Variants in CEACAM16 observed in about 807,000 individuals in gnomAD.
The protein encoded by CEACAM16 is cell adhesion molecule CEACAM16.
A neutral mutation model predicts 39.4 loss-of-function variants in CEACAM16; 30 were observed. The ratio of observed to expected loss-of-function variants is 0.76; its 90% CI spans 0.57 to 1.03. The LOEUF (loss-of-function observed/expected upper bound fraction) is 1.03, where lower values mean the gene tolerates loss of function less well. Ranked by LOEUF, CEACAM16 falls within the 50% of genes least tolerant of loss-of-function variation. The probability of loss-of-function intolerance (pLI) is 0.00; values close to 1 mark genes in which losing one functional copy is unlikely to be tolerated. For synonymous variants in CEACAM16, 262 were observed against 264.9 expected (o/e 0.99, Z 0.11); for missense variants, 521 against 585.3 (o/e 0.89, Z 1.13).
chr19:44,707,394 T>A (rs1410376673), intron 5 of CEACAM16, among the ~76,000 whole-genome samples: 1 of 152,044 alleles, frequency 6.6e-6, no homozygotes, highest in South Asian at 2.1e-4. Context: ...GGAGACATGC[T>A]CTCACCCTCA....
chr19:44,703,640 C>A lies in CEACAM16; in HGVS notation c.329C>A (p.Thr110Asn), dbSNP rs1410912435. Reference sequence around the variant, plus strand: ...CACTCAGGCACCTACATCCTGCAGACCTTCAACAGGCAGTTGCAGACCGAG... The same window carrying A: ...CACTCAGGCACCTACATCCTGCAGAACTTCAACAGGCAGTTGCAGACCGAG... Reference protein sequence around the residue: ...PRHSGTYILQTFNRQLQTEVG... With the variant: ...PRHSGTYILQNFNRQLQTEVG... The change falls in exon 3 of 7, where the codon ACC (threonine) becomes AAC (asparagine). Residue 110 changes from threonine (T) to asparagine (N), a missense_variant. By Grantham distance (65) the Thr-to-Asn change is moderately conservative. Coordinates refer to ENST00000587331, the MANE Select transcript of CEACAM16 (RefSeq NM_001039213.4). The A allele has an allele frequency of 6.2e-7, 1 of 1,600,484 alleles. No homozygotes were observed.
Position 44,705,881 on chromosome 19 carries a change from C to T in CEACAM16, c.940+13C>T, listed in dbSNP as rs768707991. ...GTCAAGCTCTCTGGTGAGTCACCCC[C>T]AGCCTGACCACCCCCCAGTCCCCAT... On this transcript the variant is annotated intron_variant, in intron 5 of 6. Transcript: ENST00000587331. 4.4e-6 allele frequency: 7 copies of T among 1,604,406 alleles called. No homozygotes were observed. In the East Asian group the frequency reaches 1.1e-4, roughly 26 times the overall value.
At chr19:44,710,040 A>G (rs574099957) in intron 6 of CEACAM16, among the ~76,000 whole-genome samples, 3 of 152,160 alleles carry the variant, frequency 2.0e-5, no homozygotes, top group Non-Finnish European at 4.4e-5. Flanking sequence ...GGATGAGATC[A>G]TTCCCCAAGT....
At chr19:44,704,907 G>T (rs1974418049) in intron 4 of CEACAM16, among the ~76,000 whole-genome samples, 1 of 152,190 alleles carries the variant, frequency 6.6e-6, no homozygotes, top group South Asian at 2.1e-4. Context: ...GGGAGCAGGG[G>T]AGGGAATAGT....
Position 44,701,316 on chromosome 19 carries a change from A to C in CEACAM16, c.-96-45A>C. 1.1e-6 allele frequency: 1 copy of C among 934,502 alleles called. No individual in the cohort carries two copies. Among genetic ancestry groups the C allele is most frequent in the Non-Finnish European group, 1.7e-6 (1 of 589,232 alleles). The allele number at this position is 934,502 out of a possible 1,614,324, so 57.9% of individuals were successfully genotyped here. On this transcript the variant is annotated intron_variant, in intron 1 of 6. Transcript: ENST00000587331. This position sits in a 1 kb window ranked among gnomAD's most constrained non-coding sequence, Gnocchi z 4.0. ...GATCCTTGGTGACTCGATCCCTCCA[A>C]ATTCAGGTGATCTCCCCTGGCTCCA...
At position 44,708,067 on chromosome 19, in the gene CEACAM16, T is replaced by C. The variant is rs777066862; in HGVS notation, c.1147T>C (p.Phe383Leu). The stretch of plus-strand genomic sequence containing the variant: ...CGCGCACACAGGCCGGGAGGTGGGC[T>C]TCCCCAACTGCTCGCTGTTGGTGCA... ...GPAHTGREVG[F>L]PNCSLLVQKL... The change falls in exon 6 of 7, where the codon TTC becomes CTC. Residue 383 changes from phenylalanine (F) to leucine (L), a missense_variant. By Grantham distance (22) the Phe-to-Leu change is conservative. Coordinates refer to ENST00000587331, the MANE Select transcript of CEACAM16 (RefSeq NM_001039213.4). The C allele has an allele frequency of 1.2e-6, 2 of 1,612,800 alleles. No homozygotes were observed. Among genetic ancestry groups the C allele is most frequent in the South Asian group, 1.1e-5 (1 of 90,844 alleles).
chr19:44,702,014 C>T (rs915018981), intron 2 of CEACAM16, among the ~76,000 whole-genome samples: 1 of 151,936 alleles, frequency 6.6e-6, no homozygotes, highest in African/African-American at 2.4e-5. Flanking sequence ...TATGAGGGGC[C>T]GGGCAAGGTG....
At chr19:44,704,342 A>G in intron 4 of CEACAM16, 46 bp downstream of exon 4, 1 of 1,443,472 alleles carries the variant, frequency 6.9e-7, no homozygotes. Flanking sequence ...TCCAAACCTC[A>G]TGGATGGGGA....
Position 44,703,478 on chromosome 19 carries a change from G to T in CEACAM16, c.167G>T (p.Gly56Val), listed in dbSNP as rs1974384120. ...CTGCTCGCCTACAGCTGGTATGCGG[G>T]GCCCACACTCAGCGTGTCATACCTG... ...GELLAYSWYA[G>V]PTLSVSYLVA... Residue 56 changes from glycine to valine, a missense_variant, in exon 3 of 7, where the codon GGG (glycine) becomes GTG (valine). Transcript: ENST00000587331. The T allele has an allele frequency of 2.5e-6, 4 of 1,613,662 alleles. No individual in the cohort carries two copies. The highest frequency in any genetic ancestry group is 1.7e-5 in the Admixed American group (1 of 59,982).
rs758575938 is a variant in CEACAM16, at chr19:44,707,964, C to T, written c.1044C>T (p.Tyr348=). 20 of 1,602,910 alleles carry T rather than the reference C, an allele frequency of 1.2e-5. No individual in the cohort carries two copies. The East Asian group carries it at 1.4e-4, about 11-fold the overall frequency. ...VQGYPKDLLV[Y]AWYRGPASEP... ...GCTACCCCAAGGACCTGCTGGTCTA[C>T]GCCTGGTACCGCGGGCCTGCCTCCG... The change falls in exon 6 of 7, where the codon TAC becomes TAT. Residue 348 remains tyrosine, a synonymous_variant. Coordinates refer to ENST00000587331, the MANE Select transcript of CEACAM16 (RefSeq NM_001039213.4).
At position 44,705,587 on chromosome 19, in the gene CEACAM16, C is replaced by A; in HGVS notation, c.662-3C>A. The stretch of plus-strand genomic sequence containing the variant: ...CCCATCTATCTCCCTCCTGCCCCCA[C>A]AGTTGGCCCAGAGCGTGTGGCCATC... On this transcript the variant is annotated splice_polypyrimidine_tract_variant and splice_region_variant and intron_variant, in intron 4 of 6. Coordinates refer to ENST00000587331, the MANE Select transcript of CEACAM16 (RefSeq NM_001039213.4). 1 of 1,592,434 alleles carries A rather than the reference C, an allele frequency of 6.3e-7. No individual in the cohort carries two copies. Among genetic ancestry groups the A allele is most frequent in the Non-Finnish European group, 8.6e-7 (1 of 1,164,676 alleles).
chr19:44,705,310 G>A (rs754478873), intron 4 of CEACAM16, among the ~76,000 whole-genome samples: 4 of 151,852 alleles, frequency 2.6e-5, no homozygotes, highest in Non-Finnish European at 5.9e-5. Flanking sequence ...AAATCATTTA[G>A]GCTTTTTTTA....
In CEACAM16 at chr19:44,704,073, A is replaced by G. The variant is rs1370988583; in HGVS notation, c.438A>G (p.Arg146=). Residue 146 remains arginine, a synonymous_variant, in exon 4 of 7, where the codon CGA becomes CGG. Transcript: ENST00000587331. ...ACAGCACAGCGCTGGTGGAACGTCGAGACACCCTGCGCCTTATGTGCAGCA... is the reference window on the plus strand; with the variant it reads ...ACAGCACAGCGCTGGTGGAACGTCGGGACACCCTGCGCCTTATGTGCAGCA... ...LANSTALVER[R]DTLRLMCSSP... 1 of 1,610,432 alleles carries G rather than the reference A, an allele frequency of 6.2e-7. No individual in the cohort carries two copies. The highest frequency in any genetic ancestry group is 1.1e-5 in the South Asian group (1 of 90,554).
Position 44,708,269 on chromosome 19 carries a change from G to C in CEACAM16, c.1267+82G>C, listed in dbSNP as rs1032378629. 4.8e-5 allele frequency: 64 copies of C among 1,345,062 alleles called. No homozygotes were observed. The Middle Eastern group carries it at 7.3e-4, about 15-fold the overall frequency. The allele number at this position is 1,345,062 out of a possible 1,614,324, so 83.3% of individuals were successfully genotyped here. ...GAGCCTTTGCTTCCTCCATCAGGCTGGGGGGACATAGACCAAAGATGGATA... is the reference window on the plus strand; with the variant it reads ...GAGCCTTTGCTTCCTCCATCAGGCTCGGGGGACATAGACCAAAGATGGATA... On this transcript the variant is annotated intron_variant, in intron 6 of 6. Coordinates refer to ENST00000587331, the MANE Select transcript of CEACAM16 (RefSeq NM_001039213.4).
intron 5 of CEACAM16, among the ~76,000 whole-genome samples, chr19:44,707,616 T>C (rs1974469329): frequency 6.6e-6 from 1 of 152,144 alleles, no homozygotes; most frequent in African/African-American, 2.4e-5. Context: ...TCCAGTTTGA[T>C]GGGAGAGACA....
rs11880816 is a variant in CEACAM16 at position 44,708,240 on chromosome 19, A to G, written c.1267+53A>G. On this transcript the variant is annotated intron_variant, in intron 6 of 6. Coordinates refer to ENST00000587331, the MANE Select transcript of CEACAM16 (RefSeq NM_001039213.4). ...GCCCCTTTTTAGACAAGGGCTCCCA[A>G]AAGGAGCCTTTGCTTCCTCCATCAG... 19,229 of 1,431,104 alleles carry G rather than the reference A, an allele frequency of 0.013. 1,414 individuals are homozygous for G. In the Admixed American group the frequency reaches 0.2, roughly 15 times the overall value. The allele number at this position is 1,431,104 out of a possible 1,614,324, so 88.7% of individuals were successfully genotyped here.
chr19:44,701,510 C>G lies in CEACAM16; in HGVS notation c.37+17C>G. The G allele has an allele frequency of 6.4e-7, 1 of 1,557,900 alleles. No individual in the cohort carries two copies. The highest frequency in any genetic ancestry group is 8.7e-7 in the Non-Finnish European group (1 of 1,150,296). ...TCCTCAGTGGTGAGCGAGAATGGCA[C>G]CCCCCAGCACCTCAGCCCCCCGAGG... On this transcript the variant is annotated intron_variant, in intron 2 of 6. Transcript: ENST00000587331. The surrounding 1 kb of genome is among the most constrained non-coding windows in gnomAD (Gnocchi z 4.0).
rs1974339674 is a variant in CEACAM16 at position 44,701,223 on chromosome 19, G to A, written c.-96-138G>A. ...AGAGGGTTAGGCGGCTGCCCCAGGA[G>A]GCCTGCCCAGGTCACGGCCTCTGGC... On this transcript the variant is annotated intron_variant, in intron 1 of 6. Transcript: ENST00000587331. This position sits in a 1 kb window ranked among gnomAD's most constrained non-coding sequence, Gnocchi z 4.0. The A allele has an allele frequency of 1.6e-6, 1 of 615,348 alleles. No homozygotes were observed. Among genetic ancestry groups the A allele is most frequent in the African/African-American group, 1.8e-5 (1 of 54,370 alleles). The allele number at this position is 615,348 out of a possible 1,614,324, so 38.1% of individuals were successfully genotyped here.
chr19:44,706,776 T>C (rs1404392061), intron 5 of CEACAM16, among the ~76,000 whole-genome samples: 1 of 152,134 alleles, frequency 6.6e-6, no homozygotes, highest in African/African-American at 2.4e-5. Flanking sequence ...GTGTCCAAGG[T>C]ATGCAGGTAT....
Sources: gnomAD v4.1 joint callset for allele counts (sites outside exome capture counted in the v4.1 genomes callset) on GRCh38, gnomAD v4.1.1 for gene constraint, Gnocchi (gnomAD v3.1) non-coding constraint, MANE v1.5 for transcripts, NCBI Gene and HGNC (gene_info 2026-07-23, HGNC 2026-07-21) for gene names.